COQ2: variants seen among roughly 807,000 people sequenced by gnomAD.
The protein encoded by COQ2 is 4-hydroxybenzoate polyprenyltransferase, mitochondrial.
Under a neutral mutation model 35.7 loss-of-function variants are expected in COQ2, and 25 were observed. The ratio of observed to expected loss-of-function variants is 0.70; its 90% confidence interval spans 0.51 to 0.98. The LOEUF (loss-of-function observed/expected upper bound fraction) is 0.98. Ranked by LOEUF, COQ2 falls within the 50% of genes least tolerant of loss-of-function variation. The probability of loss-of-function intolerance (pLI) is 0.00; values close to 1 mark genes in which losing one functional copy is unlikely to be tolerated. For missense variants in COQ2, 488 were observed against 473.5 expected (o/e 1.03, Z -0.28); for synonymous variants, 206 against 186.2 (o/e 1.11, Z -0.86).
chr4:83,283,429 T>C, intron 1 of COQ2: 2 of 985,464 alleles, frequency 2.0e-6, no homozygotes, highest in South Asian at 4.7e-5. Context: ...CTCGTATTCT[T>C]AGTGTTCTAA....
At chr4:83,268,588 A>G (rs1267149424) in intron 5 of COQ2, among the ~76,000 whole-genome samples, 5 of 152,174 alleles carry the variant, frequency 3.3e-5, no homozygotes, top group African/African-American at 1.2e-4. Context: ...GTCTATAGTT[A>G]TTATGTGAAC....
At chr4:83,267,815 G>C (rs1734959339) in intron 5 of COQ2, 41 bp from the exon 6 acceptor site, 1 of 1,454,554 alleles carries the variant, frequency 6.9e-7, no homozygotes, top group Non-Finnish European at 9.3e-7. Flanking sequence ...TTGAGATTTA[G>C]TTCACACACC....
At chr4:83,270,136 C>T (rs1735012415) in intron 4 of COQ2, 143 bp from the exon 5 acceptor site, 1 of 821,714 alleles carries the variant, frequency 1.2e-6, no homozygotes, top group African/African-American at 1.8e-5. Context: ...TTCCTTAAAC[C>T]CTTTCAACTC....
chr4:83,276,408 A>G (rs922364136), intron 2 of COQ2, among the ~76,000 whole-genome samples: 1 of 152,016 alleles, frequency 6.6e-6, no homozygotes, highest in African/African-American at 2.4e-5. Context: ...ATTAAGTCTG[A>G]TTTGTCTATT....
At chr4:83,284,254 G>A (rs971321760) in intron 1 of COQ2, 2 of 985,462 alleles carry the variant, frequency 2.0e-6, no homozygotes, top group Non-Finnish European at 2.4e-6. Flanking sequence ...TCCTTTAGGA[G>A]ACTGTCCCGA....
intron 1 of COQ2, chr4:83,283,979 A>G (rs1735388973): frequency 1.0e-6 from 1 of 985,454 alleles, no homozygotes; most frequent in Non-Finnish European, 1.2e-6. Flanking sequence ...CAGGTAAAAG[A>G]GCTCCGACTC....
intron 1 of COQ2, among the ~76,000 whole-genome samples, chr4:83,279,370 C>T (rs1222477775): frequency 6.6e-6 from 1 of 152,044 alleles, no homozygotes; most frequent in Non-Finnish European, 1.5e-5. Context: ...ATACAAATGG[C>T]TCTTATACAT....
At chr4:83,270,304 G>A (rs1735019668) in intron 4 of COQ2, among the ~76,000 whole-genome samples, 1 of 152,102 alleles carries the variant, frequency 6.6e-6, no homozygotes. Context: ...TATGGTGCAC[G>A]GCACTACCAA....
chr4:83,270,003 G>A lies in COQ2; in HGVS notation c.629-10C>T, dbSNP rs1201291874. 3 of 1,611,680 alleles carry A rather than the reference G, an allele frequency of 1.9e-6. No homozygotes were observed. The highest frequency in any genetic ancestry group is 2.7e-5 in the African/African-American group (2 of 74,672). ...CAATTAAATGTCAAGCCTACAATTA[G>A]CAAAACACAAAAAGGGGGAAAGTCT... On this transcript the variant is annotated splice_polypyrimidine_tract_variant and intron_variant, in intron 4 of 6. Transcript: ENST00000647002.
At chr4:83,276,552 T>C (rs1419784577) in intron 2 of COQ2, among the ~76,000 whole-genome samples, 1 of 152,126 alleles carries the variant, frequency 6.6e-6, no homozygotes, top group Non-Finnish European at 1.5e-5. Context: ...AAAAAACAGA[T>C]GTTGGTGAGG....
At chr4:83,281,178 T>G (rs912615525) in intron 1 of COQ2, among the ~76,000 whole-genome samples, 9 of 152,206 alleles carry the variant, frequency 5.9e-5, no homozygotes, top group African/African-American at 1.9e-4. Flanking sequence ...ACAGTAGGTT[T>G]AACTACTTTC....
At chr4:83,272,007 CTTTACCTA>C in intron 4 of COQ2, 72 bp downstream of exon 4, 1 of 904,542 alleles carries the variant, frequency 1.1e-6, no homozygotes, top group Non-Finnish European at 1.7e-6. Flanking sequence ...GTCATTTCAT[CTTTACCTA>C]TTTACCTATC....
intron 6 of COQ2, chr4:83,266,777 T>C (rs1347878421): frequency 5.9e-6 from 1 of 170,094 alleles, no homozygotes; most frequent in East Asian, 1.9e-4. Context: ...TGTGGGTGAA[T>C]ATCCTGAAAT....
At chr4:83,276,829 G>C (rs1048852552) in intron 2 of COQ2, among the ~76,000 whole-genome samples, 3 of 152,000 alleles carry the variant, frequency 2.0e-5, no homozygotes, top group Non-Finnish European at 4.4e-5. Flanking sequence ...TAAAAAATGT[G>C]GTATATATAC....
chr4:83,283,053 G>C (rs972660362), intron 1 of COQ2, among the ~76,000 whole-genome samples: 5 of 152,218 alleles, frequency 3.3e-5, no homozygotes, highest in African/African-American at 1.2e-4. Flanking sequence ...CAACGTGAAT[G>C]TGGCCCCAAA....
chr4:83,282,854 C>A (rs1381488959), intron 1 of COQ2, among the ~76,000 whole-genome samples: 1 of 152,178 alleles, frequency 6.6e-6, no homozygotes, highest in African/African-American at 2.4e-5. Context: ...CTCATAACCC[C>A]TTTGTTGCCT....
At chr4:83,274,324 G>T (rs907953471) in intron 2 of COQ2, among the ~76,000 whole-genome samples, 2 of 152,044 alleles carry the variant, frequency 1.3e-5, no homozygotes, top group African/African-American at 4.8e-5. Context: ...CTCCCAAGTA[G>T]CTGGGATTAC....
rs1735414882 is a variant in COQ2 at position 83,284,618 on chromosome 4, G to C, written c.147C>G (p.Pro49=). ...AACTGAGCTGGCGCCCGCGCGGCTC[G>C]GGACAGGCGGGGGGCTGCAAGTCAC... ...HGGDLQPPAC[P]EPRGRQLSLS... is the part of the protein sequence containing the mutation. Residue 49 remains proline, a synonymous_variant, in exon 1 of 7, where the codon CCC becomes CCG. Transcript: ENST00000647002. The C allele has an allele frequency of 6.6e-7, 1 of 1,523,788 alleles. No homozygotes were observed. The highest frequency in any genetic ancestry group is 1.4e-5 in the African/African-American group (1 of 69,364). The allele number at this position is 1,523,788 out of a possible 1,614,324, so 94.4% of individuals were successfully genotyped here. A position where few individuals can be genotyped will look rare whatever the true frequency, so the allele number is the denominator to read the frequency against.
chr4:83,268,569 G>A (rs1734976411), intron 5 of COQ2, among the ~76,000 whole-genome samples: 1 of 152,166 alleles, frequency 6.6e-6, no homozygotes, highest in Admixed American at 6.5e-5. Flanking sequence ...CCTTCAGGGT[G>A]CAAACTGTGT....
Sources: allele counts gnomAD v4.1 joint callset (sites outside exome capture counted in the v4.1 genomes callset), GRCh38; gene constraint gnomAD v4.1.1; transcripts MANE v1.5; gene names NCBI Gene and HGNC (gene_info 2026-07-23, HGNC 2026-07-21).